CCSER1: variants seen among roughly 807,000 people sequenced by gnomAD.
The protein encoded by CCSER1 is coiled-coil serine rich protein 1.
A neutral mutation model predicts 82.0 loss-of-function variants in CCSER1; 41 were observed. The ratio of observed to expected loss-of-function variants is 0.50; its 90% CI spans 0.39 to 0.65. The LOEUF is 0.65. Ranked by LOEUF, CCSER1 falls within the 30% of genes least tolerant of loss-of-function variation. The probability of loss-of-function intolerance (pLI) is 0.00; values close to 1 mark genes in which losing one functional copy is unlikely to be tolerated. For missense variants in CCSER1, 1,119 were observed against 1,064.2 expected, an observed-to-expected ratio of 1.05 and a Z score of -0.72; for synonymous variants, 414 against 383.9, an observed-to-expected ratio of 1.08 and a Z score of -0.92.
At chr4:90,448,671 T>A (rs73833396) in intron 4 of CCSER1, among the ~76,000 whole-genome samples, 1 of 151,864 alleles carries the variant, frequency 6.6e-6, no homozygotes, top group Non-Finnish European at 1.5e-5. Flanking sequence ...CCAAATTTAA[T>A]GAAAGTCTGC....
chr4:91,564,751 G>A (rs536320557), intron 10 of CCSER1, among the ~76,000 whole-genome samples: 23 of 151,798 alleles, frequency 1.5e-4, no homozygotes, highest in African/African-American at 5.3e-4. Context: ...TTGTTAATTT[G>A]TTTAGGTTCC....
chr4:90,140,615 C>T (rs186574029), intron 1 of CCSER1, among the ~76,000 whole-genome samples: 82 of 146,960 alleles, frequency 5.6e-4, no homozygotes, highest in Non-Finnish European at 9.7e-4. Context: ...CTTATGAAAA[C>T]TGTCTTGTAT....
chr4:90,864,313 C>A (rs918483240), intron 8 of CCSER1, among the ~76,000 whole-genome samples: 2 of 151,916 alleles, frequency 1.3e-5, no homozygotes, highest in African/African-American at 4.8e-5. Flanking sequence ...TTGAAAGTGT[C>A]CCCCAAAGTT....
intron 9 of CCSER1, among the ~76,000 whole-genome samples, chr4:90,937,389 A>G (rs1465391590): frequency 2.0e-5 from 3 of 152,080 alleles, no homozygotes; most frequent in Non-Finnish European, 4.4e-5. Context: ...CATGTTACAC[A>G]TTCTAATCTA....
intron 1 of CCSER1, among the ~76,000 whole-genome samples, chr4:90,275,569 G>A (rs998382514): frequency 8.5e-5 from 13 of 152,116 alleles, no homozygotes; most frequent in Non-Finnish European, 1.3e-4. Context: ...AAAAGAAAAC[G>A]TAGTGCCCCT....
At chr4:91,583,174 ATC>A (rs1326278447) in intron 10 of CCSER1, among the ~76,000 whole-genome samples, 1 of 151,276 alleles carries the variant, frequency 6.6e-6, no homozygotes, top group Non-Finnish European at 1.5e-5. Context: ...TTGTAACACA[ATC>A]TCTGATTATA....
At chr4:91,305,092 A>G (rs901140069) in intron 10 of CCSER1, among the ~76,000 whole-genome samples, 1 of 152,062 alleles carries the variant, frequency 6.6e-6, no homozygotes, top group African/African-American at 2.4e-5. Context: ...CTAAGAAAAA[A>G]TTAACAGACA....
At chr4:90,603,682 C>T (rs533538392) in intron 5 of CCSER1, among the ~76,000 whole-genome samples, 1 of 152,260 alleles carries the variant, frequency 6.6e-6, no homozygotes, top group East Asian at 1.9e-4. Flanking sequence ...GGGAGGATTT[C>T]CACTGGATAG....
chr4:90,298,228 G>T (rs1732379012), intron 1 of CCSER1, among the ~76,000 whole-genome samples: 1 of 152,086 alleles, frequency 6.6e-6, no homozygotes, highest in Admixed American at 6.6e-5. Flanking sequence ...TTGGGAGGGT[G>T]TATGTGTCGA....
At chr4:91,472,832 T>C (rs2149445612) in intron 10 of CCSER1, among the ~76,000 whole-genome samples, 1 of 152,332 alleles carries the variant, frequency 6.6e-6, no homozygotes, top group East Asian at 1.9e-4. Context: ...ATGGATACTT[T>C]AGCTGCAAAT....
intron 3 of CCSER1, among the ~76,000 whole-genome samples, chr4:90,399,433 G>A (rs577710162): frequency 6.6e-6 from 1 of 152,086 alleles, no homozygotes; most frequent in Admixed American, 6.5e-5. Flanking sequence ...TTGGCAAATG[G>A]TAGCCAAATT....
At chr4:90,281,604 A>T in intron 1 of CCSER1, among the ~76,000 whole-genome samples, 1 of 152,146 alleles carries the variant, frequency 6.6e-6, no homozygotes, top group Non-Finnish European at 1.5e-5. Flanking sequence ...TCATTGCTTA[A>T]TAAGAAAATA....
chr4:90,578,747 G>T (rs1781064179), intron 5 of CCSER1, among the ~76,000 whole-genome samples: 2 of 152,060 alleles, frequency 1.3e-5, no homozygotes, highest in Admixed American at 6.6e-5. Flanking sequence ...GGGGGCCATT[G>T]TTCTGCCTGT....
At chr4:91,316,646 A>G (rs1745854363) in intron 10 of CCSER1, among the ~76,000 whole-genome samples, 2 of 152,040 alleles carry the variant, frequency 1.3e-5, no homozygotes, top group Admixed American at 1.3e-4. Context: ...TTCTAATTCT[A>G]TTGCTACTTG....
At chr4:91,366,715 A>G (rs1451903766) in intron 10 of CCSER1, among the ~76,000 whole-genome samples, 1 of 152,164 alleles carries the variant, frequency 6.6e-6, no homozygotes, top group Non-Finnish European at 1.5e-5. Context: ...ATCTTATTGA[A>G]CTTGCATTTG....
At chr4:90,303,348 T>C (rs940625505) in intron 1 of CCSER1, among the ~76,000 whole-genome samples, 7 of 152,064 alleles carry the variant, frequency 4.6e-5, no homozygotes, top group Non-Finnish European at 2.9e-5. Flanking sequence ...GCCAAGTCAA[T>C]CCTAAGCCAA....
At chr4:90,931,812 A>G (rs1003708442) in intron 9 of CCSER1, among the ~76,000 whole-genome samples, 1 of 152,156 alleles carries the variant, frequency 6.6e-6, no homozygotes, top group Non-Finnish European at 1.5e-5. Context: ...TTTTTCAGCT[A>G]CTTGATTAAT....
rs541200015 is a variant in CCSER1 at position 91,378,357 on chromosome 4, C to T, written c.2218-220215C>T. Among the ~76,000 whole-genome samples the T allele has an allele frequency of 1.1e-3, 170 of 152,246 alleles. 1 individual carries two copies. The highest frequency in any genetic ancestry group is 3.2e-3 in the African/African-American group (131 of 41,552). ...ACCTTGGGCAGTGTGGCCATTTTCA[C>T]GATATTGATTCTTCTTACCCATGAG... On this transcript the variant is annotated intron_variant, in intron 10 of 10. Coordinates refer to ENST00000509176, the MANE Select transcript of CCSER1 (RefSeq NM_001145065.2).
intron 10 of CCSER1, among the ~76,000 whole-genome samples, chr4:91,103,908 G>A (rs1190935486): frequency 6.6e-6 from 1 of 152,136 alleles, no homozygotes; most frequent in Non-Finnish European, 1.5e-5. Context: ...AAATGGATAT[G>A]CAAGTAGGAG....
Sources: allele counts gnomAD v4.1 joint callset (sites outside exome capture counted in the v4.1 genomes callset), GRCh38; gene constraint gnomAD v4.1.1; transcripts MANE v1.5; gene names NCBI Gene and HGNC (gene_info 2026-07-23, HGNC 2026-07-21).